Variants in HPSE2 observed in about 807,000 individuals in gnomAD.
HPSE2 encodes heparanase 2 (inactive).
Under a neutral mutation model 60.5 loss-of-function variants are expected in HPSE2, and 38 were observed. The observed-to-expected ratio is 0.63, with a 90% CI of 0.48 to 0.82. The LOEUF is 0.82. Among genes scored for constraint, HPSE2 ranks in the 40% least tolerant of loss-of-function variants. HPSE2 has a pLI of 0.00. For missense variants in HPSE2, 713 were observed against 740.4 expected (o/e 0.96, Z 0.43); for synonymous variants, 295 against 293.2 (o/e 1.01, Z -0.06).
chr10:99,023,192 C>T (rs763968311), intron 3 of HPSE2, among the ~76,000 whole-genome samples: 15 of 152,278 alleles, frequency 9.9e-5, no homozygotes, highest in South Asian at 2.1e-4. Flanking sequence ...CTTAAGGGAA[C>T]ATCAGCAAAA....
chr10:99,182,301 AT>A (rs1589787327), intron 2 of HPSE2, among the ~76,000 whole-genome samples: 1 of 152,206 alleles, frequency 6.6e-6, no homozygotes, highest in Non-Finnish European at 1.5e-5. Context: ...CACCTAGTTT[AT>A]CCCCCTTATT....
rs1956593812 is a variant in HPSE2 at position 98,994,252 on chromosome 10, G to C, written c.610+149986C>G. ...TTAAGCAGCATGGAGAAGAAGCTGT[G>C]GGGACTGTAATCTGCCCAGGTCTCA... On this transcript the variant is annotated intron_variant, in intron 3 of 11. Coordinates refer to ENST00000370552, the MANE Select transcript of HPSE2 (RefSeq NM_021828.5). 2.6e-5 allele frequency among the ~76,000 whole-genome samples: 4 copies of C among 152,154 alleles called. No homozygotes were observed. In the South Asian group the frequency reaches 8.3e-4, roughly 32 times the overall value.
intron 3 of HPSE2, among the ~76,000 whole-genome samples, chr10:99,062,946 T>C (rs995049493): frequency 2.0e-5 from 3 of 152,186 alleles, no homozygotes; most frequent in African/African-American, 7.2e-5. Flanking sequence ...AAAACAAGGA[T>C]AGTACTAAAG....
the HPSE2 span, among the ~76,000 whole-genome samples, chr10:99,284,182 A>C: frequency 6.6e-6 from 1 of 152,138 alleles, no homozygotes; most frequent in African/African-American, 2.4e-5. Context: ...TACTTACCAC[A>C]ATCAAGTGAG....
chr10:98,747,069 C>G (rs764512986), intron 3 of HPSE2, among the ~76,000 whole-genome samples: 1 of 151,762 alleles, frequency 6.6e-6, no homozygotes, highest in Admixed American at 6.6e-5. Flanking sequence ...AATTATTATT[C>G]TAGGTTACTC....
chr10:98,776,214 C>T (rs1433916106), intron 3 of HPSE2, among the ~76,000 whole-genome samples: 3 of 150,878 alleles, frequency 2.0e-5, no homozygotes, highest in Non-Finnish European at 2.9e-5. Context: ...AGGTGGATCA[C>T]TTGAGGTCAA....
intron 3 of HPSE2, among the ~76,000 whole-genome samples, chr10:98,997,112 C>CTTTTTTTTTTTTTTTTTTTTTTTTTTTT (rs34434956): frequency 8.4e-6 from 1 of 119,726 alleles, no homozygotes; most frequent in Non-Finnish European, 1.6e-5. Context: ...CAGACCCTTT[C>CTTTTTTTTTTTTTTTTTTTTTTTTTTTT]TTTTTTTTTT....
intron 6 of HPSE2, among the ~76,000 whole-genome samples, chr10:98,665,348 C>T (rs1947334498): frequency 6.6e-6 from 1 of 152,124 alleles, no homozygotes; most frequent in African/African-American, 2.4e-5. Context: ...GAGTAAGCAA[C>T]TTGGAAAACA....
chr10:98,876,347 T>C (rs1952877545), intron 3 of HPSE2, among the ~76,000 whole-genome samples: 1 of 151,886 alleles, frequency 6.6e-6, no homozygotes, highest in African/African-American at 2.4e-5. Flanking sequence ...CTGTTAGTTA[T>C]AAATGAGTTA....
At chr10:98,469,123 T>A (rs1456684806) in intron 11 of HPSE2, among the ~76,000 whole-genome samples, 1 of 152,188 alleles carries the variant, frequency 6.6e-6, no homozygotes, top group East Asian at 1.9e-4. Flanking sequence ...TGTGTAATAG[T>A]GATCCAATCC....
At chr10:98,697,723 A>G (rs550335765) in intron 5 of HPSE2, among the ~76,000 whole-genome samples, 1 of 152,270 alleles carries the variant, frequency 6.6e-6, no homozygotes, top group African/African-American at 2.4e-5. Flanking sequence ...CCTCAAGGTC[A>G]AAATGAAGGA....
At chr10:99,250,865 A>G in the HPSE2 span, among the ~76,000 whole-genome samples, 1 of 152,208 alleles carries the variant, frequency 6.6e-6, no homozygotes, top group Non-Finnish European at 1.5e-5. Flanking sequence ...AGCAATATTA[A>G]GAGAAAAGTT....
chr10:99,033,940 T>G (rs552583595), intron 3 of HPSE2, among the ~76,000 whole-genome samples: 4 of 152,176 alleles, frequency 2.6e-5, no homozygotes, highest in Admixed American at 6.5e-5. Flanking sequence ...CACACTTACA[T>G]TTGACCTGGA....
chr10:99,304,148 T>C, the HPSE2 span, among the ~76,000 whole-genome samples: 1 of 152,176 alleles, frequency 6.6e-6, no homozygotes, highest in Non-Finnish European at 1.5e-5. Flanking sequence ...AGGTGAGACT[T>C]AGACATCAGG....
intron 3 of HPSE2, among the ~76,000 whole-genome samples, chr10:99,018,947 C>T (rs1479651606): frequency 2.0e-5 from 3 of 152,184 alleles, no homozygotes; most frequent in Non-Finnish European, 2.9e-5. Context: ...AAGAAATGCA[C>T]ATTCCATTAG....
chr10:98,731,330 C>G (rs1949223204), intron 4 of HPSE2, among the ~76,000 whole-genome samples: 1 of 152,000 alleles, frequency 6.6e-6, no homozygotes, highest in Non-Finnish European at 1.5e-5. Flanking sequence ...AAACTACAGA[C>G]AAATATTCCT....
chr10:99,047,860 G>A (rs540305668), intron 3 of HPSE2: 252 of 775,134 alleles, frequency 3.3e-4, no homozygotes, highest in African/African-American at 2.3e-3. Context: ...TGGCGAGGAT[G>A]GCAAGAAAAG....
At chr10:98,919,768 A>C (rs1406253627) in intron 3 of HPSE2, among the ~76,000 whole-genome samples, 5 of 152,220 alleles carry the variant, frequency 3.3e-5, no homozygotes, top group Non-Finnish European at 7.3e-5. Context: ...AAATAAAAAT[A>C]AAAGTACAGA....
At chr10:98,910,537 A>G (rs1953951052) in intron 3 of HPSE2, among the ~76,000 whole-genome samples, 1 of 152,214 alleles carries the variant, frequency 6.6e-6, no homozygotes, top group South Asian at 2.1e-4. Context: ...ATAACAAAAT[A>G]TGTATTTTTA....
Sources: allele counts gnomAD v4.1 joint callset (sites outside exome capture counted in the v4.1 genomes callset), GRCh38; gene constraint gnomAD v4.1.1; transcripts MANE v1.5; gene names NCBI Gene and HGNC (gene_info 2026-07-23, HGNC 2026-07-21).